CDK14: variants seen among roughly 807,000 people sequenced by gnomAD.
The protein encoded by CDK14 is cyclin-dependent kinase 14.
Under a neutral mutation model 60.7 loss-of-function variants are expected in CDK14, and 34 were observed. The observed-to-expected ratio is 0.56, with a 90% CI of 0.43 to 0.75. The LOEUF (loss-of-function observed/expected upper bound fraction) is 0.75. Ranked by LOEUF, CDK14 falls within the 30% of genes least tolerant of loss-of-function variation. CDK14 has a pLI of 0.00. For synonymous variants in CDK14, 197 were observed against 203.7 expected (o/e 0.97, Z 0.28); for missense variants, 482 against 564.1 (o/e 0.85, Z 1.47).
At chr7:90,616,681 AAAAT>A (rs770381588) in intron 2 of CDK14, among the ~76,000 whole-genome samples, 1 of 152,206 alleles carries the variant, frequency 6.6e-6, no homozygotes, top group Non-Finnish European at 1.5e-5. Context: ...TGAAAGGAAA[AAAAT>A]AAATGTGTAC....
chr7:91,017,398 T>C (rs1333358096), intron 10 of CDK14, among the ~76,000 whole-genome samples: 4 of 152,346 alleles, frequency 2.6e-5, no homozygotes, highest in East Asian at 1.9e-4. Context: ...CAGACTCACT[T>C]TTTATTAAAT....
chr7:91,123,631 AGCTT>A (rs1258071921), intron 14 of CDK14, among the ~76,000 whole-genome samples: 10 of 151,836 alleles, frequency 6.6e-5, no homozygotes, highest in African/African-American at 2.4e-4. Context: ...ACCTTACCTT[AGCTT>A]CCTGTCTACC....
At chr7:90,937,622 G>A (rs1007209939) in intron 8 of CDK14, among the ~76,000 whole-genome samples, 3 of 152,176 alleles carry the variant, frequency 2.0e-5, no homozygotes, top group African/African-American at 7.2e-5. Flanking sequence ...TAGACCAGAG[G>A]TTGGTAAACT....
chr7:91,202,231 TA>T (rs2116002927), intron 14 of CDK14, among the ~76,000 whole-genome samples: 1 of 152,338 alleles, frequency 6.6e-6, no homozygotes, highest in African/African-American at 2.4e-5. Context: ...GCGATCCAAT[TA>T]ATTAATATTT....
intron 6 of CDK14, among the ~76,000 whole-genome samples, chr7:90,875,171 T>C (rs1791515635): frequency 6.6e-6 from 1 of 152,252 alleles, no homozygotes; most frequent in Non-Finnish European, 1.5e-5. Context: ...TTCATCCATG[T>C]TGTAGCTTTT....
At chr7:90,814,706 G>T (rs368517671) in intron 5 of CDK14, among the ~76,000 whole-genome samples, 1 of 152,214 alleles carries the variant, frequency 6.6e-6, no homozygotes. Flanking sequence ...AACCGAGGAG[G>T]TGGAGGTTGC....
intron 5 of CDK14, among the ~76,000 whole-genome samples, chr7:90,812,224 C>G (rs1383138227): frequency 6.6e-6 from 1 of 152,148 alleles, no homozygotes; most frequent in Non-Finnish European, 1.5e-5. Context: ...ACCCAAATAT[C>G]CAACAATGAT....
At chr7:90,818,886 ATGTGTG>A (rs10540162) in intron 5 of CDK14, among the ~76,000 whole-genome samples, 3,658 of 149,686 alleles carry the variant, frequency 0.024, 152 homozygotes, top group African/African-American at 0.081. Context: ...GTGTATATAT[ATGTGTG>A]TGTGTGTGTG....
rs529015614 is a variant in CDK14, at chr7:90,960,662, TA to T, written c.947+4846del. ...GAAAGGCCATTTAGCATTGCTTTTT[TA>T]TTAAATAAGCCTAATCACCATACAT... On this transcript the variant is annotated intron_variant, in intron 9 of 14. Coordinates refer to ENST00000380050, the MANE Select transcript of CDK14 (RefSeq NM_001287135.2). Among the ~76,000 whole-genome samples, 15 of 152,304 alleles carry T rather than the reference TA, an allele frequency of 9.8e-5. No homozygotes were observed. In the East Asian group the frequency reaches 1.7e-3, roughly 18 times the overall value.
chr7:90,729,481 G>C (rs776931637), intron 3 of CDK14, among the ~76,000 whole-genome samples: 1 of 149,162 alleles, frequency 6.7e-6, no homozygotes, highest in Non-Finnish European at 1.5e-5. Context: ...TTGCCCTTAT[G>C]GGTTTTAATT....
In CDK14 at chr7:91,045,966, T is replaced by C. The variant is rs755068099; in HGVS notation, c.1105+6T>C. 16 of 1,584,786 alleles carry C rather than the reference T, an allele frequency of 1.0e-5. No homozygotes were observed. The highest frequency in any genetic ancestry group is 6.1e-6 in the Non-Finnish European group (7 of 1,153,436). Reference sequence around the variant, plus strand: ...TTTACCACATTTTAAGCCAGGTATGTTTCATTAATTACAGATGACTAGGTG... The same window carrying C: ...TTTACCACATTTTAAGCCAGGTATGCTTCATTAATTACAGATGACTAGGTG... On this transcript the variant is annotated splice_donor_region_variant and intron_variant, in intron 11 of 14. Coordinates refer to ENST00000380050, the MANE Select transcript of CDK14 (RefSeq NM_001287135.2).
chr7:91,036,349 A>T (rs570907532), intron 10 of CDK14, among the ~76,000 whole-genome samples: 21 of 152,260 alleles, frequency 1.4e-4, no homozygotes, highest in African/African-American at 4.8e-4. Context: ...TTGCTTCCTC[A>T]AAGCCAGCAA....
At chr7:90,985,885 T>C (rs1275187918) in intron 10 of CDK14, among the ~76,000 whole-genome samples, 3 of 152,132 alleles carry the variant, frequency 2.0e-5, no homozygotes, top group Non-Finnish European at 4.4e-5. Flanking sequence ...TTATTCAATA[T>C]GTATAAATTC....
At chr7:90,824,042 T>A (rs1789637477) in intron 5 of CDK14, among the ~76,000 whole-genome samples, 1 of 152,196 alleles carries the variant, frequency 6.6e-6, no homozygotes, top group African/African-American at 2.4e-5. Flanking sequence ...CTTTCATAAA[T>A]ACAAAGGAAC....
intron 14 of CDK14, among the ~76,000 whole-genome samples, chr7:91,180,668 A>G (rs1801973274): frequency 6.6e-6 from 1 of 152,132 alleles, no homozygotes; most frequent in Non-Finnish European, 1.5e-5. Flanking sequence ...TAAGTAATGG[A>G]GTAGATGAGG....
At chr7:90,828,990 A>C (rs1789818177) in intron 5 of CDK14, among the ~76,000 whole-genome samples, 1 of 152,148 alleles carries the variant, frequency 6.6e-6, no homozygotes, top group Non-Finnish European at 1.5e-5. Flanking sequence ...GCCTCAGGAA[A>C]CTTACAATTA....
chr7:90,722,914 C>T (rs1159353207), intron 2 of CDK14, among the ~76,000 whole-genome samples: 1 of 152,206 alleles, frequency 6.6e-6, no homozygotes. Flanking sequence ...TGGAGTTCCT[C>T]TGTTTCCTGA....
intron 11 of CDK14, among the ~76,000 whole-genome samples, chr7:91,063,520 A>G (rs1797872244): frequency 6.6e-6 from 1 of 152,228 alleles, no homozygotes. Flanking sequence ...AAAGGACATA[A>G]GTATGTATGT....
At chr7:91,198,504 G>A (rs1259230572) in intron 14 of CDK14, among the ~76,000 whole-genome samples, 3 of 152,176 alleles carry the variant, frequency 2.0e-5, no homozygotes, top group Admixed American at 2.0e-4. Flanking sequence ...AAGAAAGCAT[G>A]TGGGATGCAG....
Sources: allele counts gnomAD v4.1 joint callset (sites outside exome capture counted in the v4.1 genomes callset), GRCh38; gene constraint gnomAD v4.1.1; transcripts MANE v1.5; gene names NCBI Gene and HGNC (gene_info 2026-07-23, HGNC 2026-07-21).